The following NOS1 variants were observed in gnomAD, a reference collection of about 807,000 sequenced individuals.
NOS1 encodes the protein nitric oxide synthase 1, also known as NOS type I.
A neutral mutation model predicts 164.5 loss-of-function variants in NOS1; 51 were observed. The observed-to-expected ratio is 0.31, with a 90% CI of 0.25 to 0.39. The LOEUF (loss-of-function observed/expected upper bound fraction) is 0.39. Among genes scored for constraint, NOS1 ranks in the 10% least tolerant of loss-of-function variants. The pLI, the probability that NOS1 is intolerant of heterozygous loss-of-function variation, is 1.00. For synonymous variants in NOS1, 719 were observed against 745.8 expected, an observed-to-expected ratio of 0.96 and a Z score of 0.59; for missense variants, 1,362 against 1,885.6, an observed-to-expected ratio of 0.72 and a Z score of 5.14.
chr12:117,265,068 A>G (rs1004592851), intron 12 of NOS1, among the ~76,000 whole-genome samples: 3 of 151,546 alleles, frequency 2.0e-5, no homozygotes, highest in African/African-American at 7.3e-5. Flanking sequence ...GTGGTCTCAA[A>G]CTCCTGGCCT....
intron 28 of NOS1, among the ~76,000 whole-genome samples, chr12:117,216,172 C>T (rs2041563539): frequency 6.7e-6 from 1 of 148,332 alleles, no homozygotes; most frequent in Non-Finnish European, 1.5e-5. Flanking sequence ...GCCACTGGGC[C>T]CGTCAAAAGG....
chr12:117,262,442 G>C (rs1162747539), intron 13 of NOS1, among the ~76,000 whole-genome samples: 5 of 145,340 alleles, frequency 3.4e-5, no homozygotes, highest in Admixed American at 6.9e-5. Flanking sequence ...GAGAGAGAGA[G>C]AGAGACAGAG....
At chr12:117,305,562 A>C (rs1405048791) in intron 3 of NOS1, among the ~76,000 whole-genome samples, 1 of 152,052 alleles carries the variant, frequency 6.6e-6, no homozygotes, top group African/African-American at 2.4e-5. Flanking sequence ...GATGGAAAAA[A>C]GAACATTGTG....
intron 14 of NOS1, among the ~76,000 whole-genome samples, chr12:117,260,041 C>T (rs1871764186): frequency 6.6e-6 from 1 of 151,328 alleles, no homozygotes; most frequent in South Asian, 2.1e-4. Context: ...ATGGCGTGAA[C>T]CCGGGAGGTG....
At chr12:117,280,537 A>G (rs1873555458) in intron 8 of NOS1, among the ~76,000 whole-genome samples, 188 bp downstream of exon 8, 2 of 152,236 alleles carry the variant, frequency 1.3e-5, no homozygotes, top group South Asian at 4.1e-4. Context: ...ATGGCATGAA[A>G]GTGACCAAAT....
chr12:117,322,702 C>T (rs1336516404), intron 2 of NOS1, among the ~76,000 whole-genome samples: 1 of 132,048 alleles, frequency 7.6e-6, no homozygotes, highest in African/African-American at 2.8e-5. Context: ...TCCTTCCCTC[C>T]TTCTTTCCTT....
chr12:117,268,240 C>CTT, intron 10 of NOS1, 96 bp from the exon 11 acceptor site: 4 of 850,056 alleles, frequency 4.7e-6, no homozygotes, highest in East Asian at 2.6e-5. Flanking sequence ...AATTTCTTTT[C>CTT]TTTTTTTTTA....
intron 13 of NOS1, 150 bp downstream of exon 13, chr12:117,263,737 CAG>C: frequency 3.4e-6 from 2 of 591,268 alleles, no homozygotes; most frequent in East Asian, 5.6e-5. Context: ...AGCTCAGACT[CAG>C]AGGCAAAGAA....
Position 117,272,506 on chromosome 12 carries a change from G to C in NOS1, c.1718C>G (p.Ser573Cys). The change falls in exon 10 of 29, where the codon TCC becomes TGC. Residue 573 changes from serine (S) to cysteine (C), a missense_variant. Transcript: ENST00000317775. The surrounding 1 kb of genome is among the most constrained non-coding windows in gnomAD (Gnocchi z 4.3). ...GCCGCCAATCTCTAGGAGCATGTTG[G>C]ACACGGCGGGGAGGCCGTACCACTT... ...GLKWYGLPAV[S>C]NMLLEIGGLE... 4 of 1,614,174 alleles carry C rather than the reference G, an allele frequency of 2.5e-6. No individual in the cohort carries two copies. The highest frequency in any genetic ancestry group is 3.4e-6 in the Non-Finnish European group (4 of 1,180,022).
chr12:117,331,025 G>C lies in NOS1; in HGVS notation c.45C>G (p.Val15=). The C allele has an allele frequency of 6.2e-7, 1 of 1,613,990 alleles. No individual in the cohort carries two copies. Among genetic ancestry groups the C allele is most frequent in the Non-Finnish European group, 8.5e-7 (1 of 1,179,892 alleles). ...MFGVQQIQPN[V]ISVRLFKRKV... is the part of the protein sequence containing the mutation. ...TGCGCTTGAAGAGACGAACAGAAAT[G>C]ACATTGGGCTGGATTTGCTGAACAC... Residue 15 remains valine (V), a synonymous_variant, in exon 2 of 29, where the codon GTC becomes GTG. Transcript: ENST00000317775.
intron 14 of NOS1, among the ~76,000 whole-genome samples, chr12:117,260,140 A>T (rs993033794): frequency 7.0e-6 from 1 of 141,940 alleles, no homozygotes; most frequent in African/African-American, 3.1e-5. Flanking sequence ...AAAACAAAAA[A>T]CAAAAAAACA....
At chr12:117,307,774 T>G (rs1452037901) in intron 3 of NOS1, among the ~76,000 whole-genome samples, 1 of 152,066 alleles carries the variant, frequency 6.6e-6, no homozygotes, top group African/African-American at 2.4e-5. Context: ...CCGAGCACTT[T>G]GGGAGGCTGA....
chr12:117,217,382 A>G (rs1956628002), intron 28 of NOS1, among the ~76,000 whole-genome samples: 1 of 152,120 alleles, frequency 6.6e-6, no homozygotes, highest in Admixed American at 6.6e-5. Flanking sequence ...TAGGTAAAAA[A>G]CAAACAAGAC....
At chr12:117,222,643 G>A in intron 26 of NOS1, 72 bp downstream of exon 26, 2 of 1,436,172 alleles carry the variant, frequency 1.4e-6, no homozygotes, top group East Asian at 2.3e-5. Flanking sequence ...AGGGTGAGGG[G>A]TTTCTGAGAG....
chr12:117,262,840 C>A (rs149464677), intron 13 of NOS1, among the ~76,000 whole-genome samples: 1 of 152,216 alleles, frequency 6.6e-6, no homozygotes, highest in East Asian at 1.9e-4. Context: ...TCAGCTGGTC[C>A]TCTGGCTGGT....
intron 7 of NOS1, among the ~76,000 whole-genome samples, 166 bp downstream of exon 7, chr12:117,285,075 A>G (rs1333154570): frequency 6.6e-6 from 1 of 151,202 alleles, no homozygotes; most frequent in Non-Finnish European, 1.5e-5. Context: ...TAAATAAAAT[A>G]AAATAAAAAA....
In NOS1 at chr12:117,272,578, C is replaced by A. The variant is rs866696590; in HGVS notation, c.1665-19G>T. ...CTCAAACCTGCAGGGAGCAACAGGGCCCAGCTCACCCGGAGCAGGTGTCTC... is the reference window on the plus strand; with the variant it reads ...CTCAAACCTGCAGGGAGCAACAGGGACCAGCTCACCCGGAGCAGGTGTCTC... On this transcript the variant is annotated intron_variant, in intron 9 of 28. Coordinates refer to ENST00000317775, the MANE Select transcript of NOS1 (RefSeq NM_000620.5). The surrounding 1 kb of genome is among the most constrained non-coding windows in gnomAD (Gnocchi z 4.3). The A allele has an allele frequency of 3.4e-5, 54 of 1,605,950 alleles. 6 individuals carry two copies. The Middle Eastern group carries it at 8.7e-3, about 258-fold the overall frequency.
At chr12:117,312,191 G>A (rs532286468) in intron 2 of NOS1, among the ~76,000 whole-genome samples, 1 of 152,050 alleles carries the variant, frequency 6.6e-6, no homozygotes, top group Non-Finnish European at 1.5e-5. Context: ...TTTATTAAAC[G>A]CTTACTATGT....
In NOS1 at chr12:117,272,300, C is replaced by A; in HGVS notation, c.1839+85G>T. ...TAACCCCTTCAAGTTTCCAAGCCAC[C>A]AAGCTCGCCGTGGGGAAGGGGACTG... On this transcript the variant is annotated intron_variant, in intron 10 of 28. Coordinates refer to ENST00000317775, the MANE Select transcript of NOS1 (RefSeq NM_000620.5). This position sits in a 1 kb window ranked among gnomAD's most constrained non-coding sequence, Gnocchi z 4.3. 1 of 1,494,084 alleles carries A rather than the reference C, an allele frequency of 6.7e-7. No individual in the cohort carries two copies. Among genetic ancestry groups the A allele is most frequent in the Non-Finnish European group, 9.3e-7 (1 of 1,079,956 alleles). The allele number at this position is 1,494,084 out of a possible 1,614,324, so 92.6% of individuals were successfully genotyped here.
Sources: allele counts gnomAD v4.1 joint callset (sites outside exome capture counted in the v4.1 genomes callset), GRCh38; gene constraint gnomAD v4.1.1; non-coding constraint Gnocchi (gnomAD v3.1); transcripts MANE v1.5; gene names NCBI Gene and HGNC (gene_info 2026-07-23, HGNC 2026-07-21).